The following MREG variants were observed in gnomAD, a reference collection of about 807,000 sequenced individuals.
MREG encodes dilute suppressor protein homolog.
A neutral mutation model predicts 28.5 loss-of-function variants in MREG; 31 were observed. The observed-to-expected ratio is 1.09, with a 90% CI of 0.82 to 1.47. The LOEUF (loss-of-function observed/expected upper bound fraction) is 1.47. MREG is among the 40% of genes most tolerant of loss of function. The pLI is 0.00. For missense variants in MREG, 256 were observed against 257.4 expected (o/e 0.99, Z 0.04); for synonymous variants, 106 against 95.2 (o/e 1.11, Z -0.66).
intron 2 of MREG, among the ~76,000 whole-genome samples, chr2:215,989,772 G>C (rs970718601): frequency 6.6e-6 from 1 of 151,708 alleles, no homozygotes; most frequent in African/African-American, 2.4e-5. Context: ...TAGCCAAATC[G>C]ATCAAGCAGA....
In MREG at chr2:215,945,015, A is replaced by G; in HGVS notation, c.511-18T>C. 6.4e-7 allele frequency: 1 copy of G among 1,554,980 alleles called. No homozygotes were observed. The highest frequency in any genetic ancestry group is 1.2e-5 in the South Asian group (1 of 84,330). On this transcript the variant is annotated intron_variant, in intron 4 of 4. Transcript: ENST00000263268. Reference sequence around the variant, plus strand: ...AGACGGTCCTGCAAAAACAAACAACAAACCAAAAAACTGCTGGCAAGATAG... The same window carrying G: ...AGACGGTCCTGCAAAAACAAACAACGAACCAAAAAACTGCTGGCAAGATAG...
intron 1 of MREG, among the ~76,000 whole-genome samples, chr2:216,009,781 C>G (rs532236012): frequency 6.6e-5 from 10 of 152,264 alleles, no homozygotes; most frequent in African/African-American, 1.9e-4. Flanking sequence ...GGTGATTCGC[C>G]TGCCTCGGCC....
At chr2:215,978,595 G>A (rs1693324220) in intron 2 of MREG, among the ~76,000 whole-genome samples, 1 of 152,166 alleles carries the variant, frequency 6.6e-6, no homozygotes, top group Admixed American at 6.5e-5. Flanking sequence ...GAGAATTTTA[G>A]ACCAATATCT....
intron 2 of MREG, among the ~76,000 whole-genome samples, chr2:215,950,520 ATGGTTTGGGG>A (rs1230139187): frequency 6.6e-6 from 1 of 152,118 alleles, no homozygotes; most frequent in Non-Finnish European, 1.5e-5. Context: ...TTCCCCTACC[ATGGTTTGGGG>A]ACAGCTTGCA....
intron 1 of MREG, among the ~76,000 whole-genome samples, chr2:216,009,497 C>T (rs1335816128): frequency 6.6e-6 from 1 of 152,134 alleles, no homozygotes; most frequent in African/African-American, 2.4e-5. Flanking sequence ...TCAGCATCTC[C>T]CAGGCCTCTG....
chr2:216,015,144 T>TGTGCGC (rs1694421084), upstream of MREG, among the ~76,000 whole-genome samples: 30 of 52,826 alleles, frequency 5.7e-4, no homozygotes, highest in South Asian at 0.015. Context: ...CGTGCGTCTG[T>TGTGCGC]GCGTGCGTAC....
At chr2:215,972,688 G>A (rs924720991) in intron 2 of MREG, among the ~76,000 whole-genome samples, 1 of 151,816 alleles carries the variant, frequency 6.6e-6, no homozygotes, top group Non-Finnish European at 1.5e-5. Context: ...CTTGATTGTG[G>A]TGATGATTTA....
intron 1 of MREG, among the ~76,000 whole-genome samples, chr2:216,021,967 G>T (rs1408041182): frequency 6.6e-6 from 1 of 152,222 alleles, no homozygotes; most frequent in African/African-American, 2.4e-5. Flanking sequence ...GCCGGCTGTG[G>T]TGCCTCAGGC....
In MREG at chr2:216,013,238, G is replaced by T. The variant is rs1210285426; in HGVS notation, c.90C>A (p.Leu30=). The T allele has an allele frequency of 2.6e-6, 4 of 1,549,064 alleles. No homozygotes were observed. Among genetic ancestry groups the T allele is most frequent in the East Asian group, 2.4e-5 (1 of 40,878 alleles). ...EERALPEKEP[L]VSDNNPYSSF... is the part of the protein sequence containing the mutation. ...GGCCCGGGCGGCGCACCCACCTGACGAGGGGCTCCTTCTCAGGCAGGGCGC... is the reference window on the plus strand; with the variant it reads ...GGCCCGGGCGGCGCACCCACCTGACTAGGGGCTCCTTCTCAGGCAGGGCGC... The change falls in exon 1 of 5, where the codon CTC becomes CTA. Residue 30 remains leucine, a synonymous_variant. Transcript: ENST00000263268.
intron 2 of MREG, among the ~76,000 whole-genome samples, chr2:215,952,195 A>G (rs1054718131): frequency 1.1e-4 from 16 of 152,178 alleles, no homozygotes; most frequent in Middle Eastern, 3.2e-3. Flanking sequence ...TTGTTTCCAT[A>G]TCTTGGCTAT....
chr2:216,020,566 A>C (rs974291047), intron 1 of MREG, among the ~76,000 whole-genome samples: 3 of 152,228 alleles, frequency 2.0e-5, no homozygotes, highest in Non-Finnish European at 4.4e-5. Flanking sequence ...ACACCCTTGC[A>C]GAGCTCAAGT....
In MREG at chr2:215,961,733, C is replaced by T. The variant is rs537070571; in HGVS notation, c.256-14620G>A. ...TAAGCCACCACACCCAGCCTCTCCT[C>T]CTTTTTGACCCAGAGCTATCTACTT... On this transcript the variant is annotated intron_variant, in intron 2 of 4. Transcript: ENST00000263268. Among the ~76,000 whole-genome samples the T allele has an allele frequency of 5.9e-5, 9 of 152,232 alleles. No homozygotes were observed. The South Asian group carries it at 1.9e-3, about 32-fold the overall frequency.
At chr2:215,970,409 GC>G (rs1693056805) in intron 2 of MREG, among the ~76,000 whole-genome samples, 2 of 152,138 alleles carry the variant, frequency 1.3e-5, no homozygotes, top group African/African-American at 4.8e-5. Flanking sequence ...TGGAACAGCA[GC>G]CCCAGCAAAC....
chr2:215,976,942 C>T (rs1340708810), intron 2 of MREG, among the ~76,000 whole-genome samples: 1 of 152,188 alleles, frequency 6.6e-6, no homozygotes, highest in Non-Finnish European at 1.5e-5. Context: ...ATTGTAAAGA[C>T]CAAGGATGCT....
At chr2:215,981,122 A>C (rs1693418054) in intron 2 of MREG, among the ~76,000 whole-genome samples, 1 of 152,196 alleles carries the variant, frequency 6.6e-6, no homozygotes, top group Non-Finnish European at 1.5e-5. Context: ...CATTAAATAA[A>C]TTACTCTATG....
In MREG at chr2:215,943,463, A is replaced by G. The variant is rs754135033; in HGVS notation, c.*1400T>C. On this transcript the variant is annotated 3_prime_UTR_variant, in exon 5 of 5. Coordinates refer to ENST00000263268, the MANE Select transcript of MREG (RefSeq NM_018000.3). The stretch of plus-strand genomic sequence containing the variant: ...AGGTCCCCCCACAGGTGCAGCTGCC[A>G]GCCAACGAATCAGAAACAGATGAAA... 6.6e-6 allele frequency: 3 copies of G among 456,632 alleles called. No homozygotes were observed. Among genetic ancestry groups the G allele is most frequent in the South Asian group, 4.6e-5 (3 of 64,572 alleles). The allele number at this position is 456,632 out of a possible 1,614,324, so 28.3% of individuals were successfully genotyped here.
At chr2:216,015,120 CGT>C (rs1491398301), upstream of MREG, among the ~76,000 whole-genome samples, 9 of 151,646 alleles carry the variant, frequency 5.9e-5, no homozygotes, top group South Asian at 2.1e-4. Flanking sequence ...TGTGTGCACG[CGT>C]GTGTGTGCGC....
chr2:215,949,088 T>C (rs200836152), intron 2 of MREG, among the ~76,000 whole-genome samples: 15,906 of 116,568 alleles, frequency 0.14, 869 homozygotes, highest in East Asian at 0.23. Context: ...CTACTACTAC[T>C]AATAATAATA....
At chr2:216,018,015 T>G (rs75485178), upstream of MREG, among the ~76,000 whole-genome samples, 1 of 146,246 alleles carries the variant, frequency 6.8e-6, no homozygotes, top group African/African-American at 2.5e-5. Context: ...AAAAAAAAAT[T>G]AGCCATGAGT....
Sources: allele counts gnomAD v4.1 joint callset (sites outside exome capture counted in the v4.1 genomes callset), GRCh38; gene constraint gnomAD v4.1.1; transcripts MANE v1.5; gene names NCBI Gene and HGNC (gene_info 2026-07-23, HGNC 2026-07-21).